The following AFF2 variants were observed in gnomAD, a reference collection of about 807,000 sequenced individuals.
AFF2 encodes the protein ALF transcription elongation factor 2.
A neutral mutation model predicts 76.9 loss-of-function variants in AFF2; 14 were observed. The observed-to-expected ratio is 0.18, with a 90% CI of 0.12 to 0.28. AFF2 has a LOEUF of 0.28. Among genes scored for constraint, AFF2 ranks in the 10% least tolerant of loss-of-function variants. The pLI, the probability that AFF2 is intolerant of heterozygous loss-of-function variation, is 1.00. For missense variants in AFF2, 868 were observed against 1,001.1 expected (o/e 0.87, Z 1.79); for synonymous variants, 398 against 366.7 (o/e 1.09, Z -0.98).
chrX:148,616,819 C>A (rs373052442), intron 1 of AFF2, among the ~76,000 whole-genome samples: 20,115 of 106,228 alleles, frequency 0.19, 1,529 homozygotes, highest in African/African-American at 0.2. Context: ...TGAGAACATG[C>A]GGTGTTTGGT....
At chrX:148,775,018 A>G (rs936382601) in intron 3 of AFF2, among the ~76,000 whole-genome samples, 1 of 111,669 alleles carries the variant, frequency 9.0e-6, no homozygotes, top group Admixed American at 9.6e-5. Flanking sequence ...ACACATCCTT[A>G]TTTTGAATGT....
intron 3 of AFF2, among the ~76,000 whole-genome samples, chrX:148,713,967 G>A (rs2054999068): frequency 8.9e-6 from 1 of 111,833 alleles, no homozygotes; most frequent in African/African-American, 3.3e-5. Context: ...ATGACCAGAT[G>A]CATAGAAGCA....
chrX:148,969,003 G>T (rs782122202), intron 15 of AFF2, among the ~76,000 whole-genome samples: 1 of 112,765 alleles, frequency 8.9e-6, no homozygotes, highest in South Asian at 3.7e-4. Context: ...TCAAAGCAGG[G>T]GTTAGGGAGC....
At chrX:148,669,599 A>G (rs782410685) in intron 3 of AFF2, among the ~76,000 whole-genome samples, 2 of 110,899 alleles carry the variant, frequency 1.8e-5, no homozygotes, top group Non-Finnish European at 3.8e-5. Context: ...TAACCATCAG[A>G]TCTCGTGAGA....
chrX:148,948,477 G>T (rs1469596008), intron 9 of AFF2, among the ~76,000 whole-genome samples: 1 of 111,916 alleles, frequency 8.9e-6, no homozygotes, highest in African/African-American at 3.3e-5. Flanking sequence ...GGGGCCAGTG[G>T]TGCAAGTGGT....
At chrX:148,842,437 T>C (rs1302443307) in intron 5 of AFF2, among the ~76,000 whole-genome samples, 1 of 112,833 alleles carries the variant, frequency 8.9e-6, no homozygotes, top group Non-Finnish European at 1.9e-5. Context: ...AGAACACTTC[T>C]TATATATAAA....
At position 148,987,411 on chromosome X, in the gene AFF2, A is replaced by G. The variant is rs782436729; in HGVS notation, c.3668A>G (p.Asn1223Ser). The change falls in exon 20 of 21, where the codon AAC becomes AGC. Residue 1223 changes from asparagine (N) to serine (S), a missense_variant. Asn to Ser is a conservative substitution (Grantham distance 46). Around this residue, in one of 6 missense-constraint regions of AFF2, gnomAD observed 46 missense variants for 40.8 expected, o/e 1.13. Transcript: ENST00000370460. Reference protein sequence around the residue: ...PVSLNNVSPINAMGNCNNGPV... With the variant: ...PVSLNNVSPISAMGNCNNGPV... ...TCTCTCAACAACGTCTCCCCCATCAACGCAATGGGGAACTGTAACAATGGC... is the reference window on the plus strand; with the variant it reads ...TCTCTCAACAACGTCTCCCCCATCAGCGCAATGGGGAACTGTAACAATGGC... 2.5e-6 allele frequency: 3 copies of G among 1,210,715 alleles called. No homozygotes were observed. In the Admixed American group the frequency reaches 6.5e-5, roughly 26 times the overall value.
At chrX:148,823,995 G>A (rs1393669895) in intron 4 of AFF2, among the ~76,000 whole-genome samples, 3 of 110,647 alleles carry the variant, frequency 2.7e-5, no homozygotes, top group East Asian at 5.7e-4. Flanking sequence ...ACATCAGACC[G>A]TTGAATGGCC....
chrX:148,950,874 T>C, intron 9 of AFF2, among the ~76,000 whole-genome samples: 1 of 111,853 alleles, frequency 8.9e-6, no homozygotes. Context: ...CAAAAAGTTC[T>C]GAGAACCAAT....
intron 3 of AFF2, among the ~76,000 whole-genome samples, chrX:148,665,809 T>G (rs956799748): frequency 8.9e-6 from 1 of 111,996 alleles, no homozygotes; most frequent in South Asian, 3.7e-4. Context: ...TCCGGGTCTC[T>G]AGTCAGTGTA....
In AFF2 at chrX:148,777,696, G is replaced by A. The variant is rs142096758; in HGVS notation, c.1042-32180G>A. Among the ~76,000 whole-genome samples the A allele has an allele frequency of 6.6e-3, 744 of 112,141 alleles. 4 individuals carry two copies. The highest frequency in any genetic ancestry group is 0.01 in the Non-Finnish European group (547 of 53,198). ...GAAATGCTTGTGATTTTCACACATC[G>A]ATTTTGTATCCTGAGACTTTGTTGA... On this transcript the variant is annotated intron_variant, in intron 3 of 20. Transcript: ENST00000370460.
intron 7 of AFF2, among the ~76,000 whole-genome samples, chrX:148,882,077 A>G (rs967136912): frequency 9.0e-6 from 1 of 111,270 alleles, no homozygotes; most frequent in African/African-American, 3.3e-5. Flanking sequence ...CAAGCCCTCT[A>G]TTTTTCCCTC....
At chrX:148,560,978 C>T (rs376047363) in intron 1 of AFF2, among the ~76,000 whole-genome samples, 1 of 111,384 alleles carries the variant, frequency 9.0e-6, no homozygotes. Context: ...TTCTGCAGAT[C>T]TCCTTATGGT....
Position 148,747,424 on chromosome X carries a change from C to T in AFF2, c.1042-62452C>T, listed in dbSNP as rs182641014. On this transcript the variant is annotated intron_variant, in intron 3 of 20. Coordinates refer to ENST00000370460, the MANE Select transcript of AFF2 (RefSeq NM_002025.4). ...ATACAGGTACAACCTTGAGCACTCA[C>T]GCAAAAAAAAATATTGTAGCTAAAA... is the stretch of plus-strand genomic sequence containing the variant. Among the ~76,000 whole-genome samples the T allele has an allele frequency of 5.4e-3, 591 of 110,246 alleles. 4 individuals carry two copies. The highest frequency in any genetic ancestry group is 0.018 in the African/African-American group (546 of 30,472).
At chrX:148,830,817 G>C (rs1557273254) in intron 4 of AFF2, among the ~76,000 whole-genome samples, 2 of 111,530 alleles carry the variant, frequency 1.8e-5, no homozygotes, top group African/African-American at 3.3e-5. Context: ...CAGGTGACAG[G>C]GTTTGAGAGC....
rs1449132343 is a variant in AFF2, at chrX:148,998,638, G to C, written c.*7306G>C. ...TATCAGGATTTTTCAATCAACTTTA[G>C]TTGGAGGCCTGGCAATTACAAACAT... On this transcript the variant is annotated 3_prime_UTR_variant, in exon 21 of 21. Coordinates refer to ENST00000370460, the MANE Select transcript of AFF2 (RefSeq NM_002025.4). 6.3e-5 allele frequency: 7 copies of C among 111,631 alleles called. No individual in the cohort carries two copies. The allele number at this position is 111,631 out of a possible 1,213,427, so 9.2% of individuals were successfully genotyped here.
chrX:148,533,627 G>A (rs1343924493), intron 1 of AFF2, among the ~76,000 whole-genome samples: 6 of 111,566 alleles, frequency 5.4e-5, no homozygotes, highest in South Asian at 7.5e-4. Flanking sequence ...TCTAATCGGC[G>A]GTGGATTTGG....
chrX:148,724,797 G>A (rs958003048), intron 3 of AFF2, among the ~76,000 whole-genome samples: 4 of 112,561 alleles, frequency 3.6e-5, no homozygotes, highest in Non-Finnish European at 7.5e-5. Context: ...GAGCATAAAG[G>A]AGCTAACGCT....
At chrX:148,765,368 T>C (rs1235093321) in intron 3 of AFF2, among the ~76,000 whole-genome samples, 3 of 112,103 alleles carry the variant, frequency 2.7e-5, no homozygotes, top group Non-Finnish European at 3.8e-5. Flanking sequence ...AAATTCATTC[T>C]GTCATACAAT....
Sources: allele counts gnomAD v4.1 joint callset (sites outside exome capture counted in the v4.1 genomes callset), GRCh38; gene constraint gnomAD v4.1.1; regional missense constraint gnomAD v4.1.1; transcripts MANE v1.5; gene names NCBI Gene and HGNC (gene_info 2026-07-23, HGNC 2026-07-21).